The following P2RY8 variants were observed in gnomAD, a reference collection of about 807,000 sequenced individuals.
P2RY8 encodes S-geranylgeranyl-glutathione receptor P2RY8.
In P2RY8, 6 loss-of-function variants were observed where a neutral mutation model predicts 10.0. That is an observed-to-expected ratio of 0.60 (90% confidence interval 0.33 to 1.19). P2RY8 has a LOEUF of 1.19. Ranked by LOEUF, P2RY8 falls within the 50% of genes most tolerant of loss-of-function variation. The probability of loss-of-function intolerance (pLI) is 0.04; values close to 1 mark genes in which losing one functional copy is unlikely to be tolerated. For missense variants in P2RY8, 456 were observed against 542.0 expected, an observed-to-expected ratio of 0.84 and a Z score of 1.58; for synonymous variants, 276 against 252.5, an observed-to-expected ratio of 1.09 and a Z score of -0.88.
intron 1 of P2RY8, among the ~76,000 whole-genome samples, chrX:1,499,382 T>C (rs1227113765): frequency 6.6e-6 from 1 of 152,034 alleles, no homozygotes; most frequent in Non-Finnish European, 1.5e-5. Flanking sequence ...GCCAGGCTGA[T>C]CTCGAACTCC....
Position 1,466,375 on chromosome X carries a change from T to C in P2RY8, c.184A>G (p.Met62Val). 7 of 1,613,694 alleles carry C rather than the reference T, an allele frequency of 4.3e-6. No individual in the cohort carries two copies. Among genetic ancestry groups the C allele is most frequent in the Non-Finnish European group, 5.9e-6 (7 of 1,179,844 alleles). ...MGPRSPSVIF[M>V]INLSVTDLML... ...AGGTCCGTGACGCTCAGGTTGATCA[T>C]GAAGATGACCGACGGGGATCTGGGC... The change falls in exon 2 of 2, where the codon ATG (methionine) becomes GTG (valine). Residue 62 changes from methionine to valine, a missense_variant. Coordinates refer to ENST00000381297, the MANE Select transcript of P2RY8 (RefSeq NM_178129.5).
At chrX:1,521,147 G>C (rs1396955291) in intron 1 of P2RY8, among the ~76,000 whole-genome samples, 2 of 145,904 alleles carry the variant, frequency 1.4e-5, no homozygotes, top group Non-Finnish European at 3.0e-5. Context: ...GGATTCTCCT[G>C]CCTTAGCCTC....
intron 1 of P2RY8, among the ~76,000 whole-genome samples, chrX:1,478,300 C>G (rs2149382694): frequency 9.1e-6 from 1 of 110,222 alleles, no homozygotes; most frequent in South Asian, 3.5e-4. Flanking sequence ...AAATTATTAC[C>G]AACATATCTT....
At chrX:1,508,703 A>AACC (rs2092258130) in intron 1 of P2RY8, among the ~76,000 whole-genome samples, 1 of 50,340 alleles carries the variant, frequency 2.0e-5, no homozygotes. Flanking sequence ...CCATCCATCC[A>AACC]TTCTATCTAT....
At chrX:1,495,932 CT>C (rs1376472506) in intron 1 of P2RY8, among the ~76,000 whole-genome samples, 1 of 150,334 alleles carries the variant, frequency 6.7e-6, no homozygotes, top group African/African-American at 2.4e-5. Context: ...AGAGATGACC[CT>C]GTGAGGACAC....
intron 1 of P2RY8, among the ~76,000 whole-genome samples, chrX:1,502,088 A>C (rs28490227): frequency 1.3e-5 from 2 of 151,134 alleles, no homozygotes; most frequent in East Asian, 3.9e-4. Context: ...TTTTTGTATT[A>C]TTAGTAGACA....
chrX:1,485,464 A>G (rs1456247310), intron 1 of P2RY8, among the ~76,000 whole-genome samples: 1 of 152,038 alleles, frequency 6.6e-6, no homozygotes, highest in Non-Finnish European at 1.5e-5. Context: ...ACTGTAAATT[A>G]TGGGTAAATG....
chrX:1,493,425 G>GGAGGAAGGAGGAAAGAGGGAGGA lies in P2RY8; in HGVS notation c.-24-26844_-24-26843insTCCTCCCTCTTTCCTCCTTCCTC, dbSNP rs1161678509. 1.4e-4 allele frequency among the ~76,000 whole-genome samples: 8 copies of GGAGGAAGGAGGAAAGAGGGAGGA among 55,956 alleles called. No homozygotes were observed. In the South Asian group the frequency reaches 6.8e-3, roughly 47 times the overall value. The allele number at this position is 55,956 out of a possible 152,430, so 36.7% of individuals were successfully genotyped here. ...GGAGGAAGGAGGAGGAAGGAGGAAG[G>GGAGGAAGGAGGAAAGAGGGAGGA]AGGAGGGAGGGAAGGAGGAGGAAGG... is the stretch of plus-strand genomic sequence containing the variant. On this transcript the variant is annotated intron_variant, in intron 1 of 1. Coordinates refer to ENST00000381297, the MANE Select transcript of P2RY8 (RefSeq NM_178129.5).
intron 1 of P2RY8, among the ~76,000 whole-genome samples, chrX:1,470,229 G>A (rs749160694): frequency 1.9e-4 from 27 of 141,108 alleles, no homozygotes; most frequent in African/African-American, 1.9e-4. Flanking sequence ...AAAAACAAAT[G>A]GGCCAGGCGC....
intron 1 of P2RY8, among the ~76,000 whole-genome samples, chrX:1,476,641 C>A (rs1406026786): frequency 6.6e-5 from 10 of 151,642 alleles, no homozygotes; most frequent in African/African-American, 1.2e-4. Flanking sequence ...TGAGAGGTAG[C>A]CAAGGGTGGC....
chrX:1,525,674 TG>T (rs2092435196), intron 1 of P2RY8, among the ~76,000 whole-genome samples: 1 of 152,226 alleles, frequency 6.6e-6, no homozygotes, highest in Non-Finnish European at 1.5e-5. Context: ...CATTTATCCA[TG>T]TATGTATTCA....
intron 1 of P2RY8, among the ~76,000 whole-genome samples, chrX:1,509,815 A>ATCATCTATTTATCCATCCAT (rs1569538175): frequency 9.6e-6 from 1 of 104,182 alleles, no homozygotes; most frequent in Non-Finnish European, 2.2e-5. Flanking sequence ...CTATCTATCT[A>ATCATCTATTTATCCATCCAT]TCTATCTATC....
chrX:1,484,579 T>A (rs1258793189), intron 1 of P2RY8, among the ~76,000 whole-genome samples: 3 of 150,924 alleles, frequency 2.0e-5, no homozygotes, highest in African/African-American at 7.3e-5. Flanking sequence ...ACAAAAAAAA[T>A]TAGCCGGGTG....
intron 1 of P2RY8, among the ~76,000 whole-genome samples, chrX:1,527,470 C>T (rs1391540485): frequency 6.6e-6 from 1 of 152,196 alleles, no homozygotes; most frequent in East Asian, 1.9e-4. Context: ...TCCATCCATC[C>T]GTTCATCCTT....
intron 1 of P2RY8, among the ~76,000 whole-genome samples, chrX:1,470,483 C>T (rs2091770938): frequency 6.6e-6 from 1 of 152,090 alleles, no homozygotes; most frequent in African/African-American, 2.4e-5. Context: ...CACACCATTG[C>T]ACTCCAGCCT....
intron 1 of P2RY8, among the ~76,000 whole-genome samples, chrX:1,513,986 A>T (rs1308013309): frequency 1.3e-5 from 2 of 152,194 alleles, no homozygotes; most frequent in African/African-American, 4.8e-5. Flanking sequence ...CTTTTTCAGC[A>T]AACAAAGTCC....
At chrX:1,523,579 G>A (rs1462631138) in intron 1 of P2RY8, among the ~76,000 whole-genome samples, 1 of 152,156 alleles carries the variant, frequency 6.6e-6, no homozygotes, top group Non-Finnish European at 1.5e-5. Flanking sequence ...GTCTCCTTCT[G>A]AGCGTCATAA....
intron 1 of P2RY8, among the ~76,000 whole-genome samples, chrX:1,519,947 C>T (rs2092378695): frequency 6.6e-6 from 1 of 151,784 alleles, no homozygotes; most frequent in Non-Finnish European, 1.5e-5. Flanking sequence ...TCTCTGGTCC[C>T]CAATAATCTC....
At chrX:1,483,432 C>T (rs751073907) in intron 1 of P2RY8, among the ~76,000 whole-genome samples, 2 of 152,004 alleles carry the variant, frequency 1.3e-5, no homozygotes, top group Admixed American at 6.6e-5. Flanking sequence ...GCTGGGAGTT[C>T]GAGACCAGCC....
Sources: gnomAD v4.1 joint callset for allele counts (sites outside exome capture counted in the v4.1 genomes callset) on GRCh38, gnomAD v4.1.1 for gene constraint, MANE v1.5 for transcripts, NCBI Gene and HGNC (gene_info 2026-07-23, HGNC 2026-07-21) for gene names.